Variants in LRP6 observed in about 807,000 individuals in gnomAD.
LRP6 encodes LDL receptor related protein 6.
In LRP6, 43 loss-of-function variants were observed where a neutral mutation model predicts 184.1. The observed-to-expected ratio is 0.23, with a 90% CI of 0.18 to 0.30. The LOEUF (loss-of-function observed/expected upper bound fraction) is 0.30. LRP6 is among the 10% of genes least tolerant of loss of function. The pLI, the probability that LRP6 is intolerant of heterozygous loss-of-function variation, is 1.00. For missense variants in LRP6, 1,571 were observed against 2,005.3 expected (o/e 0.78, Z 4.14); for synonymous variants, 719 against 684.9 (o/e 1.05, Z -0.78).
At chr12:12,164,034 G>A (rs752137073) in intron 9 of LRP6, among the ~76,000 whole-genome samples, 23 of 151,894 alleles carry the variant, frequency 1.5e-4, no homozygotes, top group Non-Finnish European at 3.2e-4. Context: ...GGAGGCTGAA[G>A]CAGGAGAATC....
At chr12:12,257,216 G>A (rs926279049) in intron 1 of LRP6, among the ~76,000 whole-genome samples, 4 of 152,128 alleles carry the variant, frequency 2.6e-5, no homozygotes, top group Admixed American at 2.0e-4. Flanking sequence ...AAAAGCCACC[G>A]AACTAGACAT....
chr12:12,161,481 G>A (rs1269391103), intron 10 of LRP6, among the ~76,000 whole-genome samples: 1 of 152,134 alleles, frequency 6.6e-6, no homozygotes, highest in Non-Finnish European at 1.5e-5. Flanking sequence ...TGTTGGCCAG[G>A]CTGGTCTCGA....
At position 12,147,453 on chromosome 12, in the gene LRP6, G is replaced by A. The variant is rs771350940; in HGVS notation, c.3310C>T (p.Pro1104Ser). The change falls in exon 15 of 23, where the codon CCA becomes TCA. Residue 1104 changes from proline to serine, a missense_variant. Physicochemically the swap from Pro to Ser is moderately conservative, Grantham distance 74. Coordinates refer to ENST00000261349, the MANE Select transcript of LRP6 (RefSeq NM_002336.3). ...EVLFFSGLSK[P>S]IALALDSRLG... ...CTGCTATCAAGGGCTAAAGCAATTGGTTTACTTAAGCCACTGAAAAAGAGG... is the reference window on the plus strand; with the variant it reads ...CTGCTATCAAGGGCTAAAGCAATTGATTTACTTAAGCCACTGAAAAAGAGG... 85 of 1,613,930 alleles carry A rather than the reference G, an allele frequency of 5.3e-5. No homozygotes were observed. The highest frequency in any genetic ancestry group is 7.0e-5 in the Non-Finnish European group (83 of 1,179,992).
chr12:12,256,623 A>G (rs1217125962), intron 1 of LRP6, among the ~76,000 whole-genome samples: 1 of 152,204 alleles, frequency 6.6e-6, no homozygotes, highest in African/African-American at 2.4e-5. Context: ...CCTGACCAAC[A>G]TAGCCAAACC....
intron 19 of LRP6, among the ~76,000 whole-genome samples, chr12:12,128,330 C>CTTAAG (rs1949701939): frequency 6.6e-6 from 1 of 152,224 alleles, no homozygotes; most frequent in Non-Finnish European, 1.5e-5. Context: ...TCATTCTCTT[C>CTTAAG]TGCCTGCATC....
chr12:12,191,018 C>G (rs1358648728), intron 3 of LRP6, among the ~76,000 whole-genome samples: 1 of 152,158 alleles, frequency 6.6e-6, no homozygotes, highest in Non-Finnish European at 1.5e-5. Flanking sequence ...CTGATATTGG[C>G]ACCTCTGCAG....
chr12:12,147,609 A>C (rs1402060399), intron 14 of LRP6, 53 bp from the exon 15 acceptor site: 6 of 1,331,532 alleles, frequency 4.5e-6, no homozygotes, highest in Non-Finnish European at 6.5e-6. Context: ...ACCACATAAA[A>C]TGAGGATATT....
intron 12 of LRP6, among the ~76,000 whole-genome samples, chr12:12,157,271 T>A (rs1460945823): frequency 6.6e-6 from 1 of 151,962 alleles, no homozygotes; most frequent in Non-Finnish European, 1.5e-5. Context: ...CATTAACAAC[T>A]TCTGCTTGCT....
chr12:12,168,829 G>C (rs1323765956), intron 7 of LRP6, among the ~76,000 whole-genome samples: 2 of 151,926 alleles, frequency 1.3e-5, no homozygotes, highest in Non-Finnish European at 2.9e-5. Context: ...GACTGTTTTT[G>C]TCTTTTTGTT....
chr12:12,134,048 C>T (rs1420864337), intron 17 of LRP6, among the ~76,000 whole-genome samples: 3 of 152,060 alleles, frequency 2.0e-5, no homozygotes, highest in South Asian at 2.1e-4. Flanking sequence ...CTTCAAATCC[C>T]CTACGGTCCA....
chr12:12,130,331 A>G (rs999946723), intron 19 of LRP6, among the ~76,000 whole-genome samples: 4 of 151,786 alleles, frequency 2.6e-5, no homozygotes, highest in Admixed American at 6.6e-5. Context: ...GATTACAGGC[A>G]TGCACCACCA....
At chr12:12,128,978 C>T (rs1949710867) in intron 19 of LRP6, among the ~76,000 whole-genome samples, 1 of 152,200 alleles carries the variant, frequency 6.6e-6, no homozygotes, top group Non-Finnish European at 1.5e-5. Context: ...ACTCTAATCG[C>T]TTCCTTTTTA....
chr12:12,132,242 CAT>C (rs1283394978), intron 17 of LRP6, among the ~76,000 whole-genome samples, 185 bp from the exon 18 acceptor site: 1 of 152,190 alleles, frequency 6.6e-6, no homozygotes, highest in East Asian at 1.9e-4. Context: ...ACTTCCTTTA[CAT>C]TCACTATAAA....
chr12:12,202,078 T>C (rs1863925586), intron 3 of LRP6, among the ~76,000 whole-genome samples: 3 of 152,128 alleles, frequency 2.0e-5, no homozygotes, highest in Non-Finnish European at 4.4e-5. Flanking sequence ...AACACAAGAA[T>C]CCAAATATAA....
chr12:12,144,453 C>T (rs1949974715), intron 15 of LRP6, among the ~76,000 whole-genome samples: 1 of 152,138 alleles, frequency 6.6e-6, no homozygotes, highest in Non-Finnish European at 1.5e-5. Flanking sequence ...AGACTAGCCT[C>T]AGCAACACAG....
intron 19 of LRP6, among the ~76,000 whole-genome samples, chr12:12,130,007 G>A (rs1949726044): frequency 6.6e-6 from 1 of 151,964 alleles, no homozygotes; most frequent in Non-Finnish European, 1.5e-5. Flanking sequence ...CTATGAACCA[G>A]GCTATGTGTT....
At chr12:12,244,801 C>G in intron 1 of LRP6, 146 bp from the exon 2 acceptor site, 1 of 720,434 alleles carries the variant, frequency 1.4e-6, no homozygotes, top group Non-Finnish European at 2.2e-6. Context: ...ATCTAAACTT[C>G]ACACACAAAA....
intron 2 of LRP6, among the ~76,000 whole-genome samples, chr12:12,232,610 G>C (rs1452649004): frequency 7.0e-6 from 1 of 142,428 alleles, no homozygotes; most frequent in Admixed American, 7.0e-5. Flanking sequence ...AACAGAAGTA[G>C]ATTTTTAAGA....
chr12:12,129,486 T>C (rs750813134), intron 19 of LRP6, among the ~76,000 whole-genome samples: 5 of 152,190 alleles, frequency 3.3e-5, no homozygotes, highest in Non-Finnish European at 7.3e-5. Context: ...GTATATTCCC[T>C]CTGCCCAAAA....
Sources: allele counts gnomAD v4.1 joint callset (sites outside exome capture counted in the v4.1 genomes callset), GRCh38; gene constraint gnomAD v4.1.1; transcripts MANE v1.5; gene names NCBI Gene and HGNC (gene_info 2026-07-23, HGNC 2026-07-21).